GPR176: variants seen among roughly 807,000 people sequenced by gnomAD.
The protein encoded by GPR176 is G-protein coupled receptor 176.
In GPR176, 26 loss-of-function variants were observed where a neutral mutation model predicts 35.4. The observed-to-expected ratio is 0.74, with a 90% CI of 0.54 to 1.02. The LOEUF (loss-of-function observed/expected upper bound fraction) is 1.02, where lower values mean the gene tolerates loss of function less well. Among genes scored for constraint, GPR176 ranks in the 50% least tolerant of loss-of-function variants. GPR176 has a pLI of 0.00. For missense variants in GPR176, 597 were observed against 665.3 expected (o/e 0.90, Z 1.13); for synonymous variants, 278 against 271.3 (o/e 1.02, Z -0.24).
At position 39,828,401 on chromosome 15, in the gene GPR176, G is replaced by A. The variant is rs527822722; in HGVS notation, c.173-21143C>T. Among the ~76,000 whole-genome samples the A allele has an allele frequency of 2.0e-5, 3 of 152,338 alleles. No individual in the cohort carries two copies. In the South Asian group the frequency reaches 6.2e-4, roughly 32 times the overall value. ...AAAGACACTGCGTGGAGGGGCTGATGGGGCACATACATTGACTGCTGCCTG... is the reference window on the plus strand; with the variant it reads ...AAAGACACTGCGTGGAGGGGCTGATAGGGCACATACATTGACTGCTGCCTG... On this transcript the variant is annotated intron_variant, in intron 1 of 2. Coordinates refer to ENST00000561100, the MANE Select transcript of GPR176 (RefSeq NM_007223.3).
At chr15:39,868,686 T>C (rs1012294369) in intron 1 of GPR176, among the ~76,000 whole-genome samples, 3 of 152,180 alleles carry the variant, frequency 2.0e-5, no homozygotes, top group African/African-American at 7.2e-5. Context: ...GAGACATCTT[T>C]AATTAGTGCT....
At position 39,894,457 on chromosome 15, in the gene GPR176, T is replaced by G. The variant is rs1196788755; in HGVS notation, c.172+25398A>C. 6.7e-5 allele frequency: 11 copies of G among 163,938 alleles called. No individual in the cohort carries two copies. The East Asian group carries it at 1.3e-3, about 20-fold the overall frequency. The allele number at this position is 163,938 out of a possible 1,614,324, so 10.2% of individuals were successfully genotyped here. Reference sequence around the variant, plus strand: ...CTGCCGGGCGGAGGGGCTCCTCACTTCTCAGACGGGGCGGTTGCCGGGCAG... The same window carrying G: ...CTGCCGGGCGGAGGGGCTCCTCACTGCTCAGACGGGGCGGTTGCCGGGCAG... On this transcript the variant is annotated intron_variant, in intron 1 of 2. Transcript: ENST00000561100.
intron 2 of GPR176, among the ~76,000 whole-genome samples, chr15:39,804,365 T>C (rs946445835): frequency 1.3e-4 from 20 of 152,208 alleles, no homozygotes; most frequent in African/African-American, 4.3e-4. Context: ...TGTAAGTAAT[T>C]TGCATCTGTG....
intron 1 of GPR176, among the ~76,000 whole-genome samples, chr15:39,871,803 A>G (rs1222724904): frequency 6.6e-6 from 1 of 152,188 alleles, no homozygotes; most frequent in African/African-American, 2.4e-5. Context: ...CCTAGCAACC[A>G]AAAAAGTCAA....
At chr15:39,913,212 T>C (rs967856814) in intron 1 of GPR176, among the ~76,000 whole-genome samples, 1 of 152,110 alleles carries the variant, frequency 6.6e-6, no homozygotes, top group African/African-American at 2.4e-5. Context: ...AAAGACCACA[T>C]ATTGTGTGAC....
chr15:39,878,096 C>CTGTGTGTGTGTGTGTGTGTGTGTG (rs58251937), intron 1 of GPR176, among the ~76,000 whole-genome samples: 28 of 130,036 alleles, frequency 2.2e-4, no homozygotes, highest in Non-Finnish European at 2.8e-4. Context: ...CCATAGTTAC[C>CTGTGTGTGTGTGTGTGTGTGTGTG]TGTGTGTGTG....
chr15:39,823,027 C>A (rs1386895363), intron 1 of GPR176, among the ~76,000 whole-genome samples: 1 of 152,202 alleles, frequency 6.6e-6, no homozygotes, highest in Admixed American at 6.5e-5. Flanking sequence ...CTTCCAGCAA[C>A]ACTTATGTCC....
At chr15:39,820,465 G>A (rs1900198010) in intron 1 of GPR176, among the ~76,000 whole-genome samples, 1 of 152,180 alleles carries the variant, frequency 6.6e-6, no homozygotes, top group Admixed American at 6.5e-5. Flanking sequence ...AGGAAGGAGG[G>A]AGAGGGGCAA....
At chr15:39,838,821 A>T (rs1901567690) in intron 1 of GPR176, among the ~76,000 whole-genome samples, 1 of 152,176 alleles carries the variant, frequency 6.6e-6, no homozygotes, top group Non-Finnish European at 1.5e-5. Flanking sequence ...TAGTGTTGGA[A>T]GTTCTGGCCA....
At chr15:39,886,793 T>A (rs1183867991) in intron 1 of GPR176, among the ~76,000 whole-genome samples, 1 of 152,236 alleles carries the variant, frequency 6.6e-6, no homozygotes, top group Non-Finnish European at 1.5e-5. Context: ...GACCTGGGCC[T>A]GCTAATAGCA....
At chr15:39,848,812 A>C (rs1425229700) in intron 1 of GPR176, among the ~76,000 whole-genome samples, 4 of 151,896 alleles carry the variant, frequency 2.6e-5, no homozygotes, top group South Asian at 4.1e-4. Context: ...GGACATAGCT[A>C]AAGCAGTGCT....
At chr15:39,899,496 A>C (rs905874777) in intron 1 of GPR176, among the ~76,000 whole-genome samples, 1 of 152,228 alleles carries the variant, frequency 6.6e-6, no homozygotes, top group Admixed American at 6.5e-5. Context: ...GTGCCAGATC[A>C]ACTCTGAAGA....
chr15:39,850,378 G>A (rs1350514199), intron 1 of GPR176, among the ~76,000 whole-genome samples: 1 of 152,160 alleles, frequency 6.6e-6, no homozygotes, highest in African/African-American at 2.4e-5. Context: ...GATGGTGAAA[G>A]ACTGAATGCT....
intron 1 of GPR176, among the ~76,000 whole-genome samples, chr15:39,809,112 T>G (rs1899374186): frequency 2.0e-5 from 3 of 152,358 alleles, no homozygotes; most frequent in Admixed American, 2.0e-4. Context: ...TTCATGCTGT[T>G]ATTTCTTTAA....
intron 1 of GPR176, among the ~76,000 whole-genome samples, chr15:39,913,999 T>C (rs1267909442): frequency 6.6e-6 from 1 of 152,110 alleles, no homozygotes; most frequent in Non-Finnish European, 1.5e-5. Context: ...TGAGCTGAGA[T>C]AGCGCCACCG....
intron 1 of GPR176, among the ~76,000 whole-genome samples, chr15:39,888,468 G>A (rs551031448): frequency 1.1e-3 from 160 of 152,204 alleles, no homozygotes; most frequent in African/African-American, 3.7e-3. Context: ...TTGCTCTGTT[G>A]CCCAAGCTGT....
At chr15:39,876,675 T>C (rs1038176223) in intron 1 of GPR176, among the ~76,000 whole-genome samples, 1 of 151,892 alleles carries the variant, frequency 6.6e-6, no homozygotes, top group East Asian at 1.9e-4. Flanking sequence ...CAAAACCCCC[T>C]CTCTATAAAA....
intron 1 of GPR176, among the ~76,000 whole-genome samples, chr15:39,863,492 G>A (rs1043919457): frequency 6.6e-6 from 1 of 151,966 alleles, no homozygotes; most frequent in Non-Finnish European, 1.5e-5. Flanking sequence ...GCATTTAAAA[G>A]TTTGTAAGGT....
At chr15:39,896,714 C>A (rs991249215) in intron 1 of GPR176, among the ~76,000 whole-genome samples, 1 of 152,154 alleles carries the variant, frequency 6.6e-6, no homozygotes, top group Non-Finnish European at 1.5e-5. Flanking sequence ...TCCACTACCC[C>A]ACACAGGTCT....
Sources: gnomAD v4.1 joint callset for allele counts (sites outside exome capture counted in the v4.1 genomes callset) on GRCh38, gnomAD v4.1.1 for gene constraint, MANE v1.5 for transcripts, NCBI Gene and HGNC (gene_info 2026-07-23, HGNC 2026-07-21) for gene names.